PFKFB1: variants seen among roughly 807,000 people sequenced by gnomAD.
PFKFB1 encodes 6-phosphofructo-2-kinase/fructose-2,6-biphosphatase 1.
PFKFB1 carries 34 observed loss-of-function variants against 46.4 expected under a neutral mutation model. The ratio of observed to expected loss-of-function variants is 0.73; its 90% CI spans 0.56 to 0.98. The LOEUF (loss-of-function observed/expected upper bound fraction) is 0.98. PFKFB1 is among the 50% of genes least tolerant of loss of function. The pLI is 0.00. For synonymous variants in PFKFB1, 119 were observed against 133.8 expected (o/e 0.89, Z 0.76); for missense variants, 393 against 376.3 (o/e 1.04, Z -0.37).
At chrX:54,940,606 CAGAG>C (rs1232158140) in intron 10 of PFKFB1, among the ~76,000 whole-genome samples, 1 of 111,755 alleles carries the variant, frequency 8.9e-6, no homozygotes, top group Non-Finnish European at 1.9e-5. Context: ...AACAGACAAA[CAGAG>C]AGCCAAATCC....
Position 54,933,453 on chromosome X carries a change from T to G in PFKFB1, c.1366A>C (p.Ile456Leu). The change falls in exon 14 of 14, where the codon ATC (isoleucine) becomes CTC (leucine). Residue 456 changes from isoleucine (I) to leucine (L), a missense_variant. Transcript: ENST00000375006. ...THREKPENVD[I>L]TREPEEALDT... ...AGGGCTTCCTCAGGTTCCCGGGTGA[T>G]GTCCACATTCTGAGGAGAGAGCGCA... 3.3e-6 allele frequency: 4 copies of G among 1,207,093 alleles called. No homozygotes were observed. The highest frequency in any genetic ancestry group is 4.5e-6 in the Non-Finnish European group (4 of 891,351).
chrX:54,978,848 T>C (rs938584460), intron 1 of PFKFB1, among the ~76,000 whole-genome samples: 17 of 111,911 alleles, frequency 1.5e-4, no homozygotes, highest in African/African-American at 5.5e-4. Flanking sequence ...TTGAAGGTCA[T>C]TTCACAAAAC....
At position 54,959,020 on chromosome X, in the gene PFKFB1, A is replaced by G. The variant is rs192480619; in HGVS notation, c.385-95T>C. On this transcript the variant is annotated intron_variant, in intron 4 of 13. Coordinates refer to ENST00000375006, the MANE Select transcript of PFKFB1 (RefSeq NM_002625.4). ...CCTGTGCTAAGTGGAGGGCTTCCATATGGAGGTAGAACTTGAACAAGGTCT... is the reference window on the plus strand; with the variant it reads ...CCTGTGCTAAGTGGAGGGCTTCCATGTGGAGGTAGAACTTGAACAAGGTCT... 11 of 545,587 alleles carry G rather than the reference A, an allele frequency of 2.0e-5. No homozygotes were observed. The East Asian group carries it at 3.3e-4, about 16-fold the overall frequency. 45.0% of individuals were successfully genotyped at this position (545,587 alleles called of 1,213,427 possible).
At chrX:54,964,870 A>G (rs1450432513) in intron 1 of PFKFB1, among the ~76,000 whole-genome samples, 1 of 111,693 alleles carries the variant, frequency 9.0e-6, no homozygotes, top group Non-Finnish European at 1.9e-5. Context: ...TATAAATGGG[A>G]GAGAAAAAAA....
At chrX:54,968,785 T>A (rs1934551310) in intron 1 of PFKFB1, among the ~76,000 whole-genome samples, 1 of 111,382 alleles carries the variant, frequency 9.0e-6, no homozygotes, top group Non-Finnish European at 1.9e-5. Flanking sequence ...TGGCAAATTT[T>A]ACCATTCATT....
upstream of PFKFB1, chrX:54,998,497 G>C (rs1935388356): frequency 4.8e-5 from 47 of 981,599 alleles, no homozygotes; most frequent in Non-Finnish European, 6.3e-5. Context: ...CCAGTGGGTG[G>C]CATCAAAGAG....
At chrX:54,960,692 G>C in intron 3 of PFKFB1, 132 bp downstream of exon 3, 2 of 324,013 alleles carry the variant, frequency 6.2e-6, no homozygotes, top group Non-Finnish European at 1.1e-5. Context: ...TGGAAGGGCT[G>C]TTCCAACTAC....
intron 1 of PFKFB1, among the ~76,000 whole-genome samples, chrX:54,970,179 G>C (rs956664463): frequency 9.0e-6 from 1 of 111,183 alleles, no homozygotes; most frequent in Non-Finnish European, 1.9e-5. Flanking sequence ...AAAGTGCTGG[G>C]ATTATAGGCA....
intron 10 of PFKFB1, among the ~76,000 whole-genome samples, chrX:54,943,574 A>G (rs1390990402): frequency 9.1e-6 from 1 of 110,365 alleles, no homozygotes; most frequent in Non-Finnish European, 1.9e-5. Flanking sequence ...ACACGGTGAT[A>G]CCCCGTCTCT....
At chrX:54,951,386 G>A (rs1283392165) in intron 8 of PFKFB1, among the ~76,000 whole-genome samples, 3 of 112,082 alleles carry the variant, frequency 2.7e-5, no homozygotes, top group Non-Finnish European at 5.6e-5. Context: ...GGAGTGGGGA[G>A]GGCAGGAAGG....
chrX:54,994,660 A>T, upstream of PFKFB1: 2 of 752,583 alleles, frequency 2.7e-6, no homozygotes, highest in Non-Finnish European at 3.1e-6. Context: ...AAGGTCCACT[A>T]CTTCTCTGCT....
chrX:54,994,326 A>G, upstream of PFKFB1: 1 of 754,129 alleles, frequency 1.3e-6, no homozygotes, highest in Non-Finnish European at 1.6e-6. Flanking sequence ...CCAACAAGGA[A>G]GGCAGCCAGC....
At chrX:54,991,539 C>CTCTG (rs1491317380) in intron 1 of PFKFB1, among the ~76,000 whole-genome samples, 7 of 61,912 alleles carry the variant, frequency 1.1e-4, no homozygotes, top group Non-Finnish European at 2.6e-4. Flanking sequence ...CTCTCTCTCT[C>CTCTG]TGTGTGTGTG....
At chrX:54,976,682 G>A (rs937594565) in intron 1 of PFKFB1, among the ~76,000 whole-genome samples, 3 of 111,484 alleles carry the variant, frequency 2.7e-5, no homozygotes, top group Non-Finnish European at 5.7e-5. Context: ...ACACAAAAAT[G>A]TATATGAGAA....
At chrX:54,968,378 G>A (rs7058322) in intron 1 of PFKFB1, among the ~76,000 whole-genome samples, 4,566 of 105,980 alleles carry the variant, frequency 0.043, 300 homozygotes, top group African/African-American at 0.15. Flanking sequence ...GATAGATGAC[G>A]AGTTAGTGGG....
At chrX:54,937,530 C>G in intron 11 of PFKFB1, 65 bp downstream of exon 11, 1 of 1,027,313 alleles carries the variant, frequency 9.7e-7, no homozygotes, top group Non-Finnish European at 1.4e-6. Flanking sequence ...ATATAGATAT[C>G]TAATTGTTGG....
At chrX:54,996,271 T>C (rs1935355748), upstream of PFKFB1, among the ~76,000 whole-genome samples, 1 of 112,482 alleles carries the variant, frequency 8.9e-6, no homozygotes, top group Non-Finnish European at 1.9e-5. Context: ...TTTCCCTGTA[T>C]GTTTTCCATT....
chrX:54,954,054 T>C (rs1381488221), intron 7 of PFKFB1, among the ~76,000 whole-genome samples: 2 of 111,656 alleles, frequency 1.8e-5, no homozygotes, highest in African/African-American at 6.5e-5. Flanking sequence ...CCTACCCTCA[T>C]CCAAACTTTT....
At chrX:54,955,066 A>ACACAGCC (rs1934093146) in intron 7 of PFKFB1, among the ~76,000 whole-genome samples, 2 of 112,274 alleles carry the variant, frequency 1.8e-5, no homozygotes, top group Non-Finnish European at 3.8e-5. Flanking sequence ...CCTCAGGGTC[A>ACACAGCC]CACAGCCCTA....
Sources: gnomAD v4.1 joint callset for allele counts (sites outside exome capture counted in the v4.1 genomes callset) on GRCh38, gnomAD v4.1.1 for gene constraint, MANE v1.5 for transcripts, NCBI Gene and HGNC (gene_info 2026-07-23, HGNC 2026-07-21) for gene names.